PCDH11X: variants seen among roughly 807,000 people sequenced by gnomAD.
PCDH11X encodes protocadherin 11 X-linked, also known as protocadherin-11 X-linked.
Under a neutral mutation model 53.3 loss-of-function variants are expected in PCDH11X, and 18 were observed. That is an observed-to-expected ratio of 0.34 (90% CI 0.23 to 0.50). The LOEUF is 0.50. PCDH11X is among the 20% of genes least tolerant of loss of function. The pLI is 0.98. For synonymous variants in PCDH11X, 279 were observed against 393.3 expected (o/e 0.71, Z 3.44); for missense variants, 570 against 1,032.4 (o/e 0.55, Z 6.14).
At chrX:92,568,279 C>T (rs900241570) in intron 10 of PCDH11X, among the ~76,000 whole-genome samples, 78 of 109,471 alleles carry the variant, frequency 7.1e-4, no homozygotes, top group African/African-American at 2.1e-3. Context: ...AAAATTAGCC[C>T]GGCGTGGTGG....
At chrX:91,997,720 G>A (rs1247961828) in intron 6 of PCDH11X, among the ~76,000 whole-genome samples, 2 of 110,825 alleles carry the variant, frequency 1.8e-5, no homozygotes, top group South Asian at 3.8e-4. Flanking sequence ...GGGTATTGCT[G>A]GTCTCATAAA....
intron 6 of PCDH11X, among the ~76,000 whole-genome samples, chrX:92,040,579 C>T (rs974602673): frequency 2.4e-4 from 27 of 112,030 alleles, no homozygotes; most frequent in Middle Eastern, 4.6e-3. Flanking sequence ...CCATGATACA[C>T]GACTGTCTTT....
At chrX:92,322,917 G>T (rs868772583) in intron 8 of PCDH11X, among the ~76,000 whole-genome samples, 3 of 111,158 alleles carry the variant, frequency 2.7e-5, no homozygotes, top group African/African-American at 9.8e-5. Flanking sequence ...CAAACAGGTC[G>T]TGTTTCCTCT....
chrX:91,887,919 CAA>C (rs1443951883), intron 6 of PCDH11X, among the ~76,000 whole-genome samples: 1 of 111,445 alleles, frequency 9.0e-6, no homozygotes, highest in Non-Finnish European at 1.9e-5. Flanking sequence ...GTAAAAATAT[CAA>C]GTCTTGATGA....
At chrX:92,117,436 CAA>C (rs10628988) in intron 6 of PCDH11X, among the ~76,000 whole-genome samples, 2 of 95,206 alleles carry the variant, frequency 2.1e-5, no homozygotes, top group Admixed American at 1.2e-4. Flanking sequence ...AACTCTGTCT[CAA>C]AAAAAAAAAA....
chrX:92,262,192 T>C (rs1208243460), intron 7 of PCDH11X, among the ~76,000 whole-genome samples: 1 of 111,439 alleles, frequency 9.0e-6, no homozygotes, highest in South Asian at 3.7e-4. Context: ...CTATTTCTCT[T>C]AGTATTTACC....
intron 8 of PCDH11X, among the ~76,000 whole-genome samples, chrX:92,374,544 CT>C (rs1262251293): frequency 1.8e-5 from 2 of 108,282 alleles, no homozygotes; most frequent in Non-Finnish European, 3.8e-5. Context: ...AATGAAAAGT[CT>C]TTTTTTTCCT....
intron 1 of PCDH11X, among the ~76,000 whole-genome samples, chrX:91,805,682 C>T (rs1406760363): frequency 1.9e-5 from 2 of 107,348 alleles, no homozygotes; most frequent in Non-Finnish European, 3.8e-5. Context: ...AAATTAGCTC[C>T]TCACAGTGAC....
chrX:92,092,089 T>A (rs34261749), intron 6 of PCDH11X, among the ~76,000 whole-genome samples: 32,941 of 110,382 alleles, frequency 0.3, 5,476 homozygotes, highest in African/African-American at 0.62. Context: ...GGTTAAATAA[T>A]CCCCATTTGA....
intron 10 of PCDH11X, among the ~76,000 whole-genome samples, chrX:92,521,369 T>C (rs1435014618): frequency 9.0e-6 from 1 of 111,697 alleles, no homozygotes; most frequent in East Asian, 2.8e-4. Context: ...ACCAGGTACA[T>C]TGGCAATGAG....
chrX:92,262,645 A>G lies in PCDH11X; in HGVS notation c.3115-469A>G, dbSNP rs371819261. 4.7e-4 allele frequency among the ~76,000 whole-genome samples: 53 copies of G among 111,592 alleles called. 1 individual carries two copies. In the South Asian group the frequency reaches 0.019, roughly 41 times the overall value. ...AATAATATCCCAATGCTGTATAAAC[A>G]TCTCTTATGTTTACCCCCAAATCAT... On this transcript the variant is annotated intron_variant, in intron 7 of 10. Coordinates refer to ENST00000682573, the MANE Select transcript of PCDH11X (RefSeq NM_032968.5).
chrX:92,021,489 C>T (rs967290085), intron 6 of PCDH11X, among the ~76,000 whole-genome samples: 8 of 110,220 alleles, frequency 7.3e-5, no homozygotes, highest in Non-Finnish European at 1.1e-4. Flanking sequence ...AGAAATGGAA[C>T]GAACAAAACC....
Position 92,499,636 on chromosome X carries a change from C to CAAA in PCDH11X, c.3367+31357_3367+31359dup, listed in dbSNP as rs57761605. ...GCATCATAGTAAAACCCTGTCTCTA[C>CAAA]AAAAAAAAAAAAAAAAAAAAAAAAA... On this transcript the variant is annotated intron_variant, in intron 10 of 10. Transcript: ENST00000682573. Among the ~76,000 whole-genome samples the CAAA allele has an allele frequency of 5.2e-4, 9 of 17,277 alleles. 2 individuals are homozygous for CAAA. Among genetic ancestry groups the CAAA allele is most frequent in the Non-Finnish European group, 6.5e-4 (7 of 10,833 alleles). 15.0% of individuals were successfully genotyped at this position (17,277 alleles called of 115,157 possible).
At chrX:92,004,870 G>C (rs1327789023) in intron 6 of PCDH11X, among the ~76,000 whole-genome samples, 2 of 101,818 alleles carry the variant, frequency 2.0e-5, no homozygotes, top group African/African-American at 7.3e-5. Flanking sequence ...CCGCCTCCCA[G>C]GTTCACGCCA....
intron 10 of PCDH11X, among the ~76,000 whole-genome samples, chrX:92,514,243 A>G (rs1261799911): frequency 9.5e-6 from 1 of 104,999 alleles, no homozygotes; most frequent in Non-Finnish European, 2.0e-5. Flanking sequence ...TGAAATACCC[A>G]GTTCATATGG....
chrX:92,014,941 C>T lies in PCDH11X; in HGVS notation c.3033+135668C>T, dbSNP rs112159211. On this transcript the variant is annotated intron_variant, in intron 6 of 10. Transcript: ENST00000682573. Reference sequence around the variant, plus strand: ...AGGAGATATACCTAATGTTAAATGACGAGTTAATAGGTGCAGCACACCAAC... The same window carrying T: ...AGGAGATATACCTAATGTTAAATGATGAGTTAATAGGTGCAGCACACCAAC... Among the ~76,000 whole-genome samples, 921 of 110,329 alleles carry T rather than the reference C, an allele frequency of 8.3e-3. 8 individuals carry two copies. Among genetic ancestry groups the T allele is most frequent in the South Asian group, 0.045 (115 of 2,573 alleles).
At chrX:92,337,354 C>T (rs1443320603) in intron 8 of PCDH11X, among the ~76,000 whole-genome samples, 3 of 109,723 alleles carry the variant, frequency 2.7e-5, no homozygotes, top group Non-Finnish European at 5.7e-5. Context: ...AGTTCTTGCT[C>T]CCTTTGGTAA....
chrX:92,009,096 A>G (rs140028657), intron 6 of PCDH11X, among the ~76,000 whole-genome samples: 1,585 of 112,570 alleles, frequency 0.014, 22 homozygotes, highest in African/African-American at 0.048. Flanking sequence ...GAAAATCAGC[A>G]AAATTTTATG....
intron 6 of PCDH11X, among the ~76,000 whole-genome samples, chrX:92,125,024 A>G (rs1218200725): frequency 1.8e-5 from 2 of 111,952 alleles, no homozygotes; most frequent in East Asian, 2.8e-4. Context: ...TTTTATGTAC[A>G]TACTGTTTCA....
Sources: gnomAD v4.1 joint callset for allele counts (sites outside exome capture counted in the v4.1 genomes callset) on GRCh38, gnomAD v4.1.1 for gene constraint, MANE v1.5 for transcripts, NCBI Gene and HGNC (gene_info 2026-07-23, HGNC 2026-07-21) for gene names.